MAP7: variants seen among roughly 807,000 people sequenced by gnomAD.
MAP7 encodes the protein ensconsin.
A neutral mutation model predicts 94.8 loss-of-function variants in MAP7; 52 were observed. That is an observed-to-expected ratio of 0.55 (90% CI 0.44 to 0.69). The LOEUF (loss-of-function observed/expected upper bound fraction) is 0.69, where lower values mean the gene tolerates loss of function less well. Ranked by LOEUF, MAP7 falls within the 30% of genes least tolerant of loss-of-function variation. The pLI is 0.00. For synonymous variants in MAP7, 350 were observed against 357.0 expected (o/e 0.98, Z 0.22); for missense variants, 940 against 964.6 (o/e 0.97, Z 0.34).
intron 1 of MAP7, among the ~76,000 whole-genome samples, chr6:136,457,761 T>C (rs983139828): frequency 5.3e-5 from 8 of 152,202 alleles, no homozygotes; most frequent in South Asian, 2.1e-4. Flanking sequence ...TATCCTTTCA[T>C]GACAAAAGCT....
intron 1 of MAP7, among the ~76,000 whole-genome samples, chr6:136,503,048 C>G (rs184914897): frequency 1.3e-5 from 2 of 152,278 alleles, no homozygotes; most frequent in Non-Finnish European, 2.9e-5. Flanking sequence ...CATGCTAATG[C>G]CTTGCATGTG....
At chr6:136,469,410 G>T (rs1302131114) in intron 1 of MAP7, among the ~76,000 whole-genome samples, 2 of 149,074 alleles carry the variant, frequency 1.3e-5, no homozygotes, top group African/African-American at 5.0e-5. Context: ...TTCTTTGAAG[G>T]TCTCATTGTC....
chr6:136,521,610 A>C (rs1045842247), intron 1 of MAP7, among the ~76,000 whole-genome samples: 2 of 152,238 alleles, frequency 1.3e-5, no homozygotes, highest in African/African-American at 2.4e-5. Context: ...GCCATTACAA[A>C]GCAGAAGTTG....
At chr6:136,545,869 G>A (rs192020403) in intron 1 of MAP7, among the ~76,000 whole-genome samples, 60 of 151,792 alleles carry the variant, frequency 4.0e-4, no homozygotes, top group African/African-American at 1.4e-3. Flanking sequence ...ATGGAGAATG[G>A]GGTATCCATC....
At chr6:136,360,614 G>C in intron 13 of MAP7, 83 bp downstream of exon 13, 1 of 1,153,334 alleles carries the variant, frequency 8.7e-7, no homozygotes, top group Non-Finnish European at 1.3e-6. Flanking sequence ...GGTAGAACAC[G>C]CGTTTTCTGA....
chr6:136,459,045 C>T (rs1383693314), intron 1 of MAP7, among the ~76,000 whole-genome samples: 2 of 151,934 alleles, frequency 1.3e-5, no homozygotes, highest in Non-Finnish European at 1.5e-5. Flanking sequence ...TCTTACAACT[C>T]AACAACAATA....
intron 1 of MAP7, among the ~76,000 whole-genome samples, chr6:136,548,100 C>A (rs7757185): frequency 0.24 from 29,023 of 118,592 alleles, 3,864 homozygotes; most frequent in East Asian, 0.41. Flanking sequence ...CACCACCACC[C>A]CCCCCCACCC....
At position 136,365,921 on chromosome 6, in the gene MAP7, G is replaced by A. The variant is rs1381737326; in HGVS notation, c.1087C>T (p.Pro363Ser). Reference protein sequence around the residue: ...SVKAAPAQVRPPSPGNIRPVK... With the variant: ...SVKAAPAQVRSPSPGNIRPVK... Reference sequence around the variant, plus strand: ...GGGCGGATGTTGCCGGGGGATGGGGGCCGGACCTGAGCAGGAGCAGCTTTG... The same window carrying A: ...GGGCGGATGTTGCCGGGGGATGGGGACCGGACCTGAGCAGGAGCAGCTTTG... Residue 363 changes from proline (P) to serine (S), a missense_variant, in exon 10 of 18, where the codon CCC (proline) becomes TCC (serine). Transcript: ENST00000354570. 6.2e-7 allele frequency: 1 copy of A among 1,614,006 alleles called. No homozygotes were observed. Among genetic ancestry groups the A allele is most frequent in the Non-Finnish European group, 8.5e-7 (1 of 1,180,048 alleles).
chr6:136,526,044 G>A (rs1306032028), intron 1 of MAP7: 1 of 1,450,274 alleles, frequency 6.9e-7, no homozygotes, highest in Admixed American at 2.8e-5. Context: ...CTCCCAGGAA[G>A]CTGCTAGTTC....
chr6:136,530,349 G>A (rs1301131149), intron 1 of MAP7, among the ~76,000 whole-genome samples: 2 of 152,128 alleles, frequency 1.3e-5, no homozygotes, highest in East Asian at 1.9e-4. Flanking sequence ...TCTTTTCCAC[G>A]TTTCAACATT....
intron 1 of MAP7, among the ~76,000 whole-genome samples, chr6:136,537,836 G>A (rs1291004985): frequency 6.7e-6 from 1 of 150,078 alleles, no homozygotes; most frequent in African/African-American, 2.5e-5. Flanking sequence ...TGCCCAGGCT[G>A]GAGTGCAATG....
At chr6:136,424,154 A>G (rs923745595) in intron 1 of MAP7, among the ~76,000 whole-genome samples, 3 of 151,986 alleles carry the variant, frequency 2.0e-5, no homozygotes, top group Non-Finnish European at 4.4e-5. Context: ...TTAAGAACAC[A>G]ATGACAACAG....
chr6:136,377,810 G>A lies in MAP7; in HGVS notation c.696C>T (p.Pro232=). The change falls in exon 7 of 18, where the codon CCC becomes CCT. Residue 232 remains proline, a synonymous_variant. Transcript: ENST00000354570. ...TACTTCTGGCCAGGAACGAATGTGT[G>A]GGCGTCAGGAGTCTGTTAACAACGC... ...ESSVVNRLLT[P]THSFLARSKS... The A allele has an allele frequency of 6.2e-7, 1 of 1,614,124 alleles. No homozygotes were observed. The highest frequency in any genetic ancestry group is 8.5e-7 in the Non-Finnish European group (1 of 1,179,992).
intron 1 of MAP7, among the ~76,000 whole-genome samples, chr6:136,459,351 G>C (rs928540798): frequency 6.6e-6 from 1 of 151,972 alleles, no homozygotes; most frequent in African/African-American, 2.4e-5. Flanking sequence ...CAGTATAAAG[G>C]TTCCTCAAAA....
chr6:136,546,781 A>G (rs1829771132), intron 1 of MAP7, among the ~76,000 whole-genome samples: 1 of 152,220 alleles, frequency 6.6e-6, no homozygotes, highest in African/African-American at 2.4e-5. Context: ...ACGAGGCCCG[A>G]GTTTTTAAAA....
chr6:136,516,821 C>T (rs1361173251), intron 1 of MAP7, among the ~76,000 whole-genome samples: 3 of 152,034 alleles, frequency 2.0e-5, no homozygotes, highest in African/African-American at 7.2e-5. Context: ...AAAAATAAGC[C>T]TGGATACATT....
rs1477371780 is a variant in MAP7 at position 136,431,527 on chromosome 6, TA to T, written c.68-9729del. Among the ~76,000 whole-genome samples, 1,064 of 144,772 alleles carry T rather than the reference TA, an allele frequency of 7.3e-3. 21 individuals are homozygous for T. The highest frequency in any genetic ancestry group is 0.027 in the African/African-American group (993 of 36,666). The allele number at this position is 144,772 out of a possible 152,430, so 95.0% of individuals were successfully genotyped here. ...TTATTTATTTATTTATTTATTTATTTAATTTTTTGAGACGGAGTCTTGCTAT... is the reference window on the plus strand; with the variant it reads ...TTATTTATTTATTTATTTATTTATTTATTTTTTGAGACGGAGTCTTGCTAT... On this transcript the variant is annotated intron_variant, in intron 1 of 17. Transcript: ENST00000354570.
intron 1 of MAP7, among the ~76,000 whole-genome samples, chr6:136,520,837 G>A (rs1826189130): frequency 6.6e-6 from 1 of 152,204 alleles, no homozygotes; most frequent in Non-Finnish European, 1.5e-5. Context: ...GCAGGCAAAT[G>A]CAACAAGCAC....
chr6:136,383,865 G>C (rs1014532556), intron 5 of MAP7, 84 bp from the exon 6 acceptor site: 1 of 784,948 alleles, frequency 1.3e-6, no homozygotes, highest in Non-Finnish European at 2.2e-6. Flanking sequence ...GAAAAACTAG[G>C]ATTGGATGCT....
Sources: gnomAD v4.1 joint callset for allele counts (sites outside exome capture counted in the v4.1 genomes callset) on GRCh38, gnomAD v4.1.1 for gene constraint, MANE v1.5 for transcripts, NCBI Gene and HGNC (gene_info 2026-07-23, HGNC 2026-07-21) for gene names.